The following CIITA variants were observed in gnomAD, a reference collection of about 807,000 sequenced individuals.
CIITA encodes MHC class II transactivator.
In CIITA, 72 loss-of-function variants were observed where a neutral mutation model predicts 115.1. The ratio of observed to expected loss-of-function variants is 0.63; its 90% CI spans 0.52 to 0.76. The LOEUF (loss-of-function observed/expected upper bound fraction) is 0.76, where lower values mean the gene tolerates loss of function less well. CIITA is among the 30% of genes least tolerant of loss of function. The probability of loss-of-function intolerance (pLI) is 0.00; values close to 1 mark genes in which losing one functional copy is unlikely to be tolerated. For synonymous variants in CIITA, 763 were observed against 635.6 expected, an observed-to-expected ratio of 1.20 and a Z score of -3.02; for missense variants, 1,617 against 1,463.8, an observed-to-expected ratio of 1.10 and a Z score of -1.71.
intron 3 of CIITA, among the ~76,000 whole-genome samples, chr16:10,897,554 T>C (rs1422724451): frequency 3.3e-5 from 5 of 152,224 alleles, no homozygotes; most frequent in Non-Finnish European, 2.9e-5. Flanking sequence ...TCCTCAAGTC[T>C]GTGGGTTTTC....
intron 1 of CIITA, among the ~76,000 whole-genome samples, chr16:10,892,395 T>G (rs1471087433): frequency 2.0e-5 from 3 of 152,010 alleles, no homozygotes; most frequent in Non-Finnish European, 4.4e-5. Flanking sequence ...TCTCATGAGC[T>G]TACTCTTCAA....
chr16:10,907,834 C>T lies in CIITA; in HGVS notation c.2342C>T (p.Ser781Leu), dbSNP rs13330686. ...GALLGPSAAA[S>L]VDRKQKVLAR... The stretch of plus-strand genomic sequence containing the variant: ...CTACTCGGGCCATCGGCGGCTGCCT[C>T]GGTGGACAGGAAGCAGAAGGTGCTT... Residue 781 changes from serine (S) to leucine (L), a missense_variant, in exon 11 of 20, where the codon TCG becomes TTG. Physicochemically the swap from Ser to Leu is moderately radical, Grantham distance 145. Transcript: ENST00000324288. This position sits in a 1 kb window ranked among gnomAD's most constrained non-coding sequence, Gnocchi z 5.0. 122,162 of 1,613,572 alleles carry T rather than the reference C, an allele frequency of 0.076. 5,076 individuals carry two copies. Among genetic ancestry groups the T allele is most frequent in the Middle Eastern group, 0.098 (591 of 6,056 alleles).
chr16:10,922,509 G>C lies in CIITA; in HGVS notation c.3317+19G>C. On this transcript the variant is annotated intron_variant, in intron 18 of 19. Coordinates refer to ENST00000324288, the MANE Select transcript of CIITA (RefSeq NM_000246.4). ...CGCTGGCGTAAGTCCAGGCAACCCT[G>C]GTGGGTGGAGAACAACTCACTCCCC... 6 of 1,613,526 alleles carry C rather than the reference G, an allele frequency of 3.7e-6. No homozygotes were observed. Among genetic ancestry groups the C allele is most frequent in the Non-Finnish European group, 5.1e-6 (6 of 1,179,586 alleles).
intron 5 of CIITA, among the ~76,000 whole-genome samples, chr16:10,900,510 C>T (rs1372490069): frequency 6.6e-6 from 1 of 151,936 alleles, no homozygotes; most frequent in South Asian, 2.1e-4. Context: ...GAGGCCAAGG[C>T]TGGCAGATCA....
intron 13 of CIITA, among the ~76,000 whole-genome samples, chr16:10,912,794 G>A (rs967114020): frequency 6.6e-6 from 1 of 152,240 alleles, no homozygotes; most frequent in African/African-American, 2.4e-5. Context: ...AGCGGCCATG[G>A]GGTGGAACAG....
In CIITA at chr16:10,916,428, T is replaced by C. The variant is rs1227467168; in HGVS notation, c.3031T>C (p.Phe1011Leu). 2 of 1,613,126 alleles carry C rather than the reference T, an allele frequency of 1.2e-6. No individual in the cohort carries two copies. Among genetic ancestry groups the C allele is most frequent in the Non-Finnish European group, 1.7e-6 (2 of 1,179,516 alleles). ...GGGTGTCTCGCAGCTCTCAGCCACC[T>C]TCCCCCAGCTGAAGTCCTTGGAAAC... ...DEGVSQLSAT[F>L]PQLKSLETLN... is the part of the protein sequence containing the mutation. Residue 1011 changes from phenylalanine to leucine, a missense_variant, in exon 15 of 20, where the codon TTC (phenylalanine) becomes CTC (leucine). Transcript: ENST00000324288.
rs77072504 is a variant in CIITA at position 10,907,814 on chromosome 16, C to G, written c.2322C>G (p.Leu774=). 1 of 1,614,030 alleles carries G rather than the reference C, an allele frequency of 6.2e-7. No individual in the cohort carries two copies. The highest frequency in any genetic ancestry group is 1.7e-5 in the Admixed American group (1 of 60,022). ...CCGCCCGCTGCCTGGGAGCCCTACT[C>G]GGGCCATCGGCGGCTGCCTCGGTGG... is the stretch of plus-strand genomic sequence containing the variant. The part of the protein sequence containing the change: ...QPPARCLGAL[L]GPSAAASVDR... Residue 774 remains leucine, a synonymous_variant, in exon 11 of 20, where the codon CTC becomes CTG. Coordinates refer to ENST00000324288, the MANE Select transcript of CIITA (RefSeq NM_000246.4). This position sits in a 1 kb window ranked among gnomAD's most constrained non-coding sequence, Gnocchi z 5.0.
chr16:10,906,361 A>G (rs564112536), intron 10 of CIITA, 138 bp from the exon 11 acceptor site: 87 of 1,119,362 alleles, frequency 7.8e-5, no homozygotes, highest in Non-Finnish European at 1.1e-4. Flanking sequence ...CCCTGTCTCA[A>G]AACAAAACAA....
At chr16:10,882,145 C>G (rs755601234) in intron 1 of CIITA, among the ~76,000 whole-genome samples, 4 of 152,220 alleles carry the variant, frequency 2.6e-5, no homozygotes, top group Non-Finnish European at 5.9e-5. Flanking sequence ...AAATATCTGT[C>G]TGACTCCCCG....
At chr16:10,911,251 CTCTCTT>C (rs1296257161) in intron 13 of CIITA, among the ~76,000 whole-genome samples, 5 of 143,396 alleles carry the variant, frequency 3.5e-5, no homozygotes, top group African/African-American at 1.4e-4. Flanking sequence ...TTCTTTCTTT[CTCTCTT>C]TCTTTCCTCT....
chr16:10,902,780 T>A lies in CIITA; in HGVS notation c.751T>A (p.Ser251Thr), dbSNP rs1233485051. ...AATCTCTGAGGCTGGAACAGGGGTC[T>A]CCAGTATATTCATCTACCATGGTGA... ...WQISEAGTGV[S>T]SIFIYHGEVP... is the part of the protein sequence containing the mutation. The change falls in exon 8 of 20, where the codon TCC becomes ACC. Residue 251 changes from serine (S) to threonine (T), a missense_variant. Physicochemically the swap from Ser to Thr is moderately conservative, Grantham distance 58. Coordinates refer to ENST00000324288, the MANE Select transcript of CIITA (RefSeq NM_000246.4). The A allele has an allele frequency of 6.2e-7, 1 of 1,614,178 alleles. No homozygotes were observed. The highest frequency in any genetic ancestry group is 1.1e-5 in the South Asian group (1 of 91,086).
intron 11 of CIITA, chr16:10,908,633 C>G: frequency 2.3e-6 from 1 of 442,926 alleles, no homozygotes; most frequent in South Asian, 2.1e-5. Flanking sequence ...GGACACTCCA[C>G]CACTGTCAGG....
In CIITA at chr16:10,895,786, G is replaced by C. The variant is rs748699521; in HGVS notation, c.295+22G>C. 4 of 1,612,048 alleles carry C rather than the reference G, an allele frequency of 2.5e-6. No homozygotes were observed. In the South Asian group the frequency reaches 3.3e-5, roughly 13 times the overall value. Reference sequence around the variant, plus strand: ...ATCGGTGAGGAAGCACCTGAGCCCAGAAAAGGACAATCAAGGGCAAGAGTT... The same window carrying C: ...ATCGGTGAGGAAGCACCTGAGCCCACAAAAGGACAATCAAGGGCAAGAGTT... On this transcript the variant is annotated intron_variant, in intron 3 of 19. Transcript: ENST00000324288.
intron 12 of CIITA, 133 bp downstream of exon 12, chr16:10,909,320 A>G: frequency 1.1e-6 from 1 of 949,728 alleles, no homozygotes; most frequent in Non-Finnish European, 1.7e-6. Flanking sequence ...CTTTCTGGGC[A>G]ATGGCTAACC....
intron 1 of CIITA, among the ~76,000 whole-genome samples, chr16:10,889,844 G>T (rs2037369086): frequency 6.6e-6 from 1 of 152,222 alleles, no homozygotes; most frequent in Non-Finnish European, 1.5e-5. Context: ...GATGTTCAGA[G>T]AGGTCAAGTG....
rs199548540 is a variant in CIITA at position 10,907,457 on chromosome 16, G to A, written c.1965G>A (p.Gly655=). 2 of 1,613,388 alleles carry A rather than the reference G, an allele frequency of 1.2e-6. No homozygotes were observed. The highest frequency in any genetic ancestry group is 4.5e-5 in the East Asian group (2 of 44,864). ...LGRAALDSPP[G]ALAELAKLAW... is the part of the protein sequence containing the mutation. The stretch of plus-strand genomic sequence containing the variant: ...GTGCAGCCCTCGACAGCCCCCCCGG[G>A]GCCCTGGCAGAGCTGGCCAAGCTGG... The change falls in exon 11 of 20, where the codon GGG becomes GGA. Residue 655 remains glycine, a synonymous_variant. Coordinates refer to ENST00000324288, the MANE Select transcript of CIITA (RefSeq NM_000246.4). The surrounding 1 kb of genome is among the most constrained non-coding windows in gnomAD (Gnocchi z 5.0).
chr16:10,884,903 T>C (rs1223998850), intron 1 of CIITA, among the ~76,000 whole-genome samples: 1 of 151,862 alleles, frequency 6.6e-6, no homozygotes, highest in Admixed American at 6.6e-5. Context: ...CTCAATTCCA[T>C]TGCAGGACAG....
chr16:10,942,813 G>C lies in CIITA; in HGVS notation n.1939G>C, dbSNP rs1329829200. The C allele has an allele frequency of 6.6e-6, 1 of 152,268 alleles. No homozygotes were observed. The highest frequency in any genetic ancestry group is 1.5e-5 in the Non-Finnish European group (1 of 68,056). 9.4% of individuals were successfully genotyped at this position (152,268 alleles called of 1,614,324 possible). ...GGACTCCGTTTCTCCTTTAAAAGGA[G>C]GCGGGGTCGGGGAGGGGCGACGGAC... On this transcript the variant is annotated non_coding_transcript_exon_variant, in exon 2 of 2. Coordinates refer to the CIITA transcript ENST00000573379. The surrounding 1 kb of genome is among the most constrained non-coding windows in gnomAD (Gnocchi z 5.0).
intron 11 of CIITA, chr16:10,908,551 T>A: frequency 7.3e-6 from 3 of 413,172 alleles, no homozygotes; most frequent in South Asian, 6.5e-5. Flanking sequence ...CTCCATTTTG[T>A]ATTCAGCAAC....
Sources: gnomAD v4.1 joint callset for allele counts (sites outside exome capture counted in the v4.1 genomes callset) on GRCh38, gnomAD v4.1.1 for gene constraint, Gnocchi (gnomAD v3.1) non-coding constraint, MANE v1.5 for transcripts, NCBI Gene and HGNC (gene_info 2026-07-23, HGNC 2026-07-21) for gene names.